ZRANB3: variants seen among roughly 807,000 people sequenced by gnomAD.
ZRANB3 encodes the protein zinc finger RANBP2-type containing 3.
A neutral mutation model predicts 133.8 loss-of-function variants in ZRANB3; 125 were observed. The observed-to-expected ratio is 0.93, with a 90% CI of 0.81 to 1.08. ZRANB3 has a LOEUF of 1.08. ZRANB3 is among the 50% of genes least tolerant of loss of function. ZRANB3 has a pLI of 0.00. For synonymous variants in ZRANB3, 387 were observed against 432.7 expected (o/e 0.89, Z 1.31); for missense variants, 1,229 against 1,275.5 (o/e 0.96, Z 0.56).
chr2:135,203,544 G>T (rs184227483), intron 19 of ZRANB3, among the ~76,000 whole-genome samples: 2 of 151,104 alleles, frequency 1.3e-5, no homozygotes, highest in African/African-American at 2.4e-5. Context: ...GCGTGAACCC[G>T]GGAGGTGGAG....
intron 12 of ZRANB3, among the ~76,000 whole-genome samples, chr2:135,254,424 C>G (rs1407583665): frequency 6.6e-6 from 1 of 151,648 alleles, no homozygotes; most frequent in Non-Finnish European, 1.5e-5. Flanking sequence ...TCTTCGCATT[C>G]TCAAAATTTA....
chr2:135,202,810 G>C, intron 20 of ZRANB3, 22 bp downstream of exon 20: 1 of 1,596,012 alleles, frequency 6.3e-7, no homozygotes, highest in South Asian at 1.1e-5. Context: ...TGCAGTCAAA[G>C]CTATATGAGA....
At chr2:135,362,166 C>T (rs995409040) in intron 3 of ZRANB3, among the ~76,000 whole-genome samples, 1 of 150,890 alleles carries the variant, frequency 6.6e-6, no homozygotes, top group Admixed American at 6.6e-5. Context: ...CCACTGCACT[C>T]CAGCCTGGGC....
chr2:135,385,128 G>C (rs1314154419), intron 3 of ZRANB3, among the ~76,000 whole-genome samples: 1 of 152,166 alleles, frequency 6.6e-6, no homozygotes, highest in Non-Finnish European at 1.5e-5. Context: ...AAGCTGATAA[G>C]CAACTTCAGC....
intron 3 of ZRANB3, among the ~76,000 whole-genome samples, chr2:135,370,598 T>C (rs1686134124): frequency 6.6e-6 from 1 of 152,166 alleles, no homozygotes; most frequent in African/African-American, 2.4e-5. Flanking sequence ...GATTAATCAA[T>C]GGATACAGGA....
chr2:135,227,394 G>A (rs903003085), intron 14 of ZRANB3, among the ~76,000 whole-genome samples: 2 of 152,150 alleles, frequency 1.3e-5, no homozygotes, highest in African/African-American at 4.8e-5. Flanking sequence ...TTAAAAATAT[G>A]CCAATTAAGT....
intron 1 of ZRANB3, among the ~76,000 whole-genome samples, chr2:135,521,116 A>C (rs1196685349): frequency 1.3e-5 from 2 of 152,252 alleles, no homozygotes; most frequent in African/African-American, 4.8e-5. Context: ...CAGAAATGTT[A>C]TATAACTTAC....
At chr2:135,488,451 A>C (rs1692219513) in intron 2 of ZRANB3, among the ~76,000 whole-genome samples, 1 of 152,108 alleles carries the variant, frequency 6.6e-6, no homozygotes, top group Non-Finnish European at 1.5e-5. Flanking sequence ...CAATAAAGCA[A>C]ATTATAATAA....
At chr2:135,420,724 G>C (rs529603284) in intron 2 of ZRANB3, among the ~76,000 whole-genome samples, 4 of 151,762 alleles carry the variant, frequency 2.6e-5, no homozygotes, top group African/African-American at 9.7e-5. Context: ...TTAAATTCTC[G>C]GAATAATCAA....
At chr2:135,324,795 C>T in intron 6 of ZRANB3, among the ~76,000 whole-genome samples, 1 of 152,086 alleles carries the variant, frequency 6.6e-6, no homozygotes, top group Non-Finnish European at 1.5e-5. Flanking sequence ...GAGATGGTAT[C>T]TCATTGTGGT....
intron 14 of ZRANB3, among the ~76,000 whole-genome samples, chr2:135,226,330 A>G (rs1384542515): frequency 6.6e-6 from 1 of 152,236 alleles, no homozygotes; most frequent in Non-Finnish European, 1.5e-5. Flanking sequence ...CTAGAGTAGT[A>G]TGTACCACTC....
chr2:135,421,890 C>CA (rs1474035234), intron 2 of ZRANB3, among the ~76,000 whole-genome samples: 1 of 127,514 alleles, frequency 7.8e-6, no homozygotes, highest in Non-Finnish European at 1.7e-5. Context: ...TTTTTTTTTC[C>CA]TTTTTTTTTT....
intron 2 of ZRANB3, among the ~76,000 whole-genome samples, chr2:135,406,075 C>G (rs969856656): frequency 6.6e-6 from 1 of 151,864 alleles, no homozygotes; most frequent in Non-Finnish European, 1.5e-5. Context: ...AGACCGCTAG[C>G]AAGACTAATA....
chr2:135,309,064 G>A (rs987580009), intron 8 of ZRANB3, among the ~76,000 whole-genome samples: 13 of 148,444 alleles, frequency 8.8e-5, no homozygotes, highest in African/African-American at 2.0e-4. Flanking sequence ...CACTGCAAGC[G>A]CTGCCTCCTG....
intron 3 of ZRANB3, among the ~76,000 whole-genome samples, chr2:135,375,560 C>A (rs1228530501): frequency 6.6e-6 from 1 of 152,162 alleles, no homozygotes; most frequent in Non-Finnish European, 1.5e-5. Flanking sequence ...TGGCGGGCAC[C>A]AGTAGTCCCA....
At chr2:135,425,821 G>A (rs1422155635) in intron 2 of ZRANB3, among the ~76,000 whole-genome samples, 1 of 151,652 alleles carries the variant, frequency 6.6e-6, no homozygotes, top group Non-Finnish European at 1.5e-5. Context: ...AAGGATAGCA[G>A]AAGACAAGAA....
intron 2 of ZRANB3, among the ~76,000 whole-genome samples, chr2:135,480,758 T>TC (rs1403477439): frequency 4.3e-5 from 4 of 93,892 alleles, no homozygotes; most frequent in Non-Finnish European, 4.1e-5. Flanking sequence ...GTGCTATCCC[T>TC]CCCCCCTCCC....
At chr2:135,481,318 G>A (rs1466496719) in intron 2 of ZRANB3, among the ~76,000 whole-genome samples, 1 of 151,508 alleles carries the variant, frequency 6.6e-6, no homozygotes, top group African/African-American at 2.4e-5. Flanking sequence ...TAACTGGTGT[G>A]AGATGGTATC....
At chr2:135,400,184 G>A (rs1421261353) in intron 2 of ZRANB3, among the ~76,000 whole-genome samples, 2 of 151,982 alleles carry the variant, frequency 1.3e-5, no homozygotes, top group South Asian at 2.1e-4. Context: ...AAGTTGCCGT[G>A]AGCCAAGATT....
Sources: allele counts gnomAD v4.1 joint callset (sites outside exome capture counted in the v4.1 genomes callset), GRCh38; gene constraint gnomAD v4.1.1; transcripts MANE v1.5; gene names NCBI Gene and HGNC (gene_info 2026-07-23, HGNC 2026-07-21).